CYB5R4: variants seen among roughly 807,000 people sequenced by gnomAD.
The protein encoded by CYB5R4 is cytochrome b5 reductase 4.
A neutral mutation model predicts 70.2 loss-of-function variants in CYB5R4; 55 were observed. That is an observed-to-expected ratio of 0.78 (90% confidence interval 0.63 to 0.98). The LOEUF is 0.98. CYB5R4 is among the 50% of genes least tolerant of loss of function. The pLI, the probability that CYB5R4 is intolerant of heterozygous loss-of-function variation, is 0.00. For synonymous variants in CYB5R4, 197 were observed against 199.5 expected (o/e 0.99, Z 0.11); for missense variants, 562 against 612.6 (o/e 0.92, Z 0.87).
At chr6:83,890,681 G>T (rs9344369) in intron 2 of CYB5R4, among the ~76,000 whole-genome samples, 23,364 of 152,024 alleles carry the variant, frequency 0.15, 3,506 homozygotes, top group African/African-American at 0.37. Context: ...CTCATGAAAG[G>T]TCGAGTCAGT....
At chr6:83,955,894 A>C (rs1419381036) in intron 15 of CYB5R4, among the ~76,000 whole-genome samples, 1 of 152,240 alleles carries the variant, frequency 6.6e-6, no homozygotes, top group African/African-American at 2.4e-5. Flanking sequence ...AAAGCCAAGC[A>C]GCAAGACAAA....
chr6:83,903,770 T>G (rs2099463358), intron 3 of CYB5R4, among the ~76,000 whole-genome samples: 3 of 152,086 alleles, frequency 2.0e-5, no homozygotes, highest in Non-Finnish European at 1.5e-5. Context: ...GATTCAATCT[T>G]GATAGGTTGT....
chr6:83,883,448 C>G (rs1176783878), intron 2 of CYB5R4, among the ~76,000 whole-genome samples: 12 of 151,924 alleles, frequency 7.9e-5, no homozygotes, highest in Non-Finnish European at 1.8e-4. Flanking sequence ...TAAAAGCTAA[C>G]AAGGAGAAAA....
chr6:83,905,989 G>A (rs2099463702), intron 3 of CYB5R4, among the ~76,000 whole-genome samples: 1 of 152,110 alleles, frequency 6.6e-6, no homozygotes, highest in Non-Finnish European at 1.5e-5. Context: ...GGACTGGACT[G>A]GGCAATCTCC....
intron 14 of CYB5R4, among the ~76,000 whole-genome samples, chr6:83,946,287 G>T (rs933744127): frequency 2.0e-5 from 3 of 152,220 alleles, no homozygotes; most frequent in African/African-American, 7.2e-5. Context: ...ATCAATAAAC[G>T]TATTGCATCA....
At chr6:83,946,447 A>G (rs1302791390) in intron 14 of CYB5R4, among the ~76,000 whole-genome samples, 1 of 152,220 alleles carries the variant, frequency 6.6e-6, no homozygotes, top group Non-Finnish European at 1.5e-5. Flanking sequence ...GTTTATGACA[A>G]ACCCACATCT....
At chr6:83,929,639 CAG>C (rs1417520878) in intron 10 of CYB5R4, 1 of 150,450 alleles carries the variant, frequency 6.6e-6, no homozygotes, top group African/African-American at 2.5e-5. Context: ...GAGAAAGAGG[CAG>C]GGGGAGAGAA....
intron 5 of CYB5R4, 96 bp downstream of exon 5, chr6:83,914,544 T>C: frequency 8.5e-7 from 1 of 1,183,214 alleles, no homozygotes; most frequent in Non-Finnish European, 1.1e-6. Flanking sequence ...TTTTTTTCTT[T>C]TTTTTCTTTT....
intron 3 of CYB5R4, among the ~76,000 whole-genome samples, chr6:83,907,169 G>A (rs535319313): frequency 6.6e-6 from 1 of 152,094 alleles, no homozygotes; most frequent in African/African-American, 2.4e-5. Context: ...TCGAACTCCT[G>A]GGCTCAAGTG....
At chr6:83,896,503 G>A (rs746338024) in intron 3 of CYB5R4, among the ~76,000 whole-genome samples, 6 of 152,168 alleles carry the variant, frequency 3.9e-5, no homozygotes, top group Non-Finnish European at 8.8e-5. Context: ...GCTCCTATGA[G>A]TGAAAACATG....
chr6:83,952,345 CTG>C (rs1452311511), intron 14 of CYB5R4, among the ~76,000 whole-genome samples: 1 of 152,068 alleles, frequency 6.6e-6, no homozygotes, highest in Non-Finnish European at 1.5e-5. Flanking sequence ...ACTGTAAAGT[CTG>C]TGCCTTGAGA....
chr6:83,906,945 A>G (rs7741983), intron 3 of CYB5R4, among the ~76,000 whole-genome samples: 43,450 of 152,070 alleles, frequency 0.29, 12,211 homozygotes, highest in African/African-American at 0.73. Context: ...TTACAATTGG[A>G]CATTTAAATT....
At chr6:83,951,995 C>CTA (rs1425323830) in intron 14 of CYB5R4, among the ~76,000 whole-genome samples, 5 of 152,120 alleles carry the variant, frequency 3.3e-5, no homozygotes, top group Admixed American at 3.3e-4. Flanking sequence ...GCAGAGAATA[C>CTA]TATACCCAGC....
chr6:83,883,088 A>G (rs1322615792), intron 2 of CYB5R4, among the ~76,000 whole-genome samples: 2 of 152,192 alleles, frequency 1.3e-5, no homozygotes, highest in Non-Finnish European at 1.5e-5. Flanking sequence ...TGAAATAACA[A>G]ATTTGTTGAA....
At chr6:83,901,094 G>T (rs1340545859) in intron 3 of CYB5R4, among the ~76,000 whole-genome samples, 1 of 152,212 alleles carries the variant, frequency 6.6e-6, no homozygotes, top group African/African-American at 2.4e-5. Context: ...TTTTGCAGTG[G>T]CTGGTGCCGG....
intron 2 of CYB5R4, among the ~76,000 whole-genome samples, chr6:83,887,794 T>C (rs1486403663): frequency 7.0e-6 from 1 of 142,302 alleles, no homozygotes; most frequent in Admixed American, 7.0e-5. Context: ...GGTGGGTGGG[T>C]GAATGGATAG....
intron 14 of CYB5R4, among the ~76,000 whole-genome samples, chr6:83,954,151 A>T (rs2099471963): frequency 6.6e-6 from 1 of 152,164 alleles, no homozygotes; most frequent in African/African-American, 2.4e-5. Flanking sequence ...TCATTCAGAA[A>T]ACCCAGGAGA....
intron 4 of CYB5R4, among the ~76,000 whole-genome samples, chr6:83,912,943 A>G (rs979942127): frequency 6.6e-6 from 1 of 152,224 alleles, no homozygotes; most frequent in Non-Finnish European, 1.5e-5. Flanking sequence ...GACAGATTCA[A>G]ATCTATTCAT....
intron 7 of CYB5R4, 91 bp from the exon 8 acceptor site, chr6:83,920,991 G>A: frequency 1.1e-6 from 1 of 931,922 alleles, no homozygotes; most frequent in Non-Finnish European, 1.5e-6. Flanking sequence ...AGCACCGTAT[G>A]AAGTACCGCA....
Sources: allele counts gnomAD v4.1 joint callset (sites outside exome capture counted in the v4.1 genomes callset), GRCh38; gene constraint gnomAD v4.1.1; transcripts MANE v1.5; gene names NCBI Gene and HGNC (gene_info 2026-07-23, HGNC 2026-07-21).